Variants in JMY observed in about 807,000 individuals in gnomAD.
JMY encodes junction mediating and regulatory protein, p53 cofactor.
JMY carries 46 observed loss-of-function variants against 103.3 expected under a neutral mutation model. The observed-to-expected ratio is 0.45, with a 90% CI of 0.35 to 0.57. The LOEUF (loss-of-function observed/expected upper bound fraction) is 0.57, where lower values mean the gene tolerates loss of function less well. Among genes scored for constraint, JMY ranks in the 20% least tolerant of loss-of-function variants. The probability of loss-of-function intolerance (pLI) is 0.00; values close to 1 mark genes in which losing one functional copy is unlikely to be tolerated. For missense variants in JMY, 1,238 were observed against 1,255.2 expected, an observed-to-expected ratio of 0.99 and a Z score of 0.21; for synonymous variants, 526 against 489.3, an observed-to-expected ratio of 1.07 and a Z score of -0.99.
chr5:79,237,105 A>T lies in JMY; in HGVS notation c.455A>T (p.Gln152Leu), dbSNP rs557528920. 2.1e-5 allele frequency: 33 copies of T among 1,548,388 alleles called. No homozygotes were observed. In the African/African-American group the frequency reaches 4.4e-4, roughly 21 times the overall value. ...GTGCGGGCCAAACCCATCCCGGGTC[A>T]GAAAACATCTGAAGCCGACGATGCG... Reference protein sequence around the residue: ...SPVRAKPIPGQKTSEADDAAG... With the variant: ...SPVRAKPIPGLKTSEADDAAG... The change falls in exon 1 of 11, where the codon CAG becomes CTG. Residue 152 changes from glutamine (Q) to leucine (L), a missense_variant. Coordinates refer to ENST00000396137, the MANE Select transcript of JMY (RefSeq NM_152405.5).
chr5:79,276,214 G>T (rs1745931175), intron 1 of JMY, among the ~76,000 whole-genome samples: 1 of 152,172 alleles, frequency 6.6e-6, no homozygotes. Context: ...TGCCTACCCG[G>T]TTCAAGTGAT....
At chr5:79,318,360 A>G (rs1036326195) in intron 10 of JMY, among the ~76,000 whole-genome samples, 1 of 152,140 alleles carries the variant, frequency 6.6e-6, no homozygotes, top group African/African-American at 2.4e-5. Flanking sequence ...GCAAGTACAC[A>G]TCTAGATTTT....
intron 2 of JMY, chr5:79,284,014 T>C (rs1746195731): frequency 4.7e-6 from 3 of 639,580 alleles, no homozygotes; most frequent in Non-Finnish European, 7.5e-6. Flanking sequence ...ATTTTGAAGG[T>C]AAAGATATTA....
chr5:79,300,710 C>G lies in JMY; in HGVS notation c.1728C>G (p.Tyr576Ter), dbSNP rs767796449. Residue 576 changes from tyrosine to a stop codon, truncating the protein, a stop_gained, in exon 6 of 11, where the codon TAC (tyrosine) becomes TAG (stop). Coordinates refer to ENST00000396137, the MANE Select transcript of JMY (RefSeq NM_152405.5). LOFTEE classifies it high-confidence loss of function. ...ATGAAGTGGTATACTATGACACTTA[C>G]GAAAGCATGGAGGCCATGCTGGAGA... The part of the protein sequence containing the change: ...KRDEVVYYDT[Y>*]ESMEAMLEKE... 2.5e-6 allele frequency: 4 copies of G among 1,608,142 alleles called. No individual in the cohort carries two copies. The highest frequency in any genetic ancestry group is 3.4e-6 in the Non-Finnish European group (4 of 1,178,452).
At chr5:79,307,856 A>G (rs1349773769) in intron 7 of JMY, among the ~76,000 whole-genome samples, 3 of 151,998 alleles carry the variant, frequency 2.0e-5, no homozygotes, top group African/African-American at 7.3e-5. Flanking sequence ...CTCCTGTCTC[A>G]GCCTCCTGAG....
chr5:79,300,897 C>G (rs1210276424), intron 6 of JMY, 34 bp downstream of exon 6: 6 of 1,517,712 alleles, frequency 4.0e-6, no homozygotes, highest in African/African-American at 1.4e-5. Context: ...ATTATTTAGT[C>G]TTTTATCCGT....
intron 1 of JMY, among the ~76,000 whole-genome samples, chr5:79,241,726 TAG>T (rs1744749075): frequency 6.6e-6 from 1 of 152,238 alleles, no homozygotes; most frequent in African/African-American, 2.4e-5. Context: ...TTATACTTCT[TAG>T]GGGCTAAATC....
intron 1 of JMY, among the ~76,000 whole-genome samples, chr5:79,245,146 A>G (rs1328464051): frequency 2.6e-5 from 4 of 152,192 alleles, no homozygotes; most frequent in African/African-American, 7.2e-5. Flanking sequence ...TGGGTTAGAC[A>G]TTTCACAGAG....
In JMY at chr5:79,300,233, G is replaced by T; in HGVS notation, c.1608G>T (p.Gln536His). The change falls in exon 5 of 11, where the codon CAG (glutamine) becomes CAT (histidine). Residue 536 changes from glutamine to histidine, a missense_variant. Gln to His is a conservative substitution (Grantham distance 24, BLOSUM62 0). Coordinates refer to ENST00000396137, the MANE Select transcript of JMY (RefSeq NM_152405.5). ...CTGATTATTATGATCTGCAACTTCAGTTGTATGAAGTACAGTTTGAAATCT... is the reference window on the plus strand; with the variant it reads ...CTGATTATTATGATCTGCAACTTCATTTGTATGAAGTACAGTTTGAAATCT... ...LEADYYDLQLQLYEVQFEILK... is the reference protein window; with the variant it reads ...LEADYYDLQLHLYEVQFEILK... The T allele has an allele frequency of 6.2e-7, 1 of 1,605,776 alleles. No homozygotes were observed. Among genetic ancestry groups the T allele is most frequent in the Non-Finnish European group, 8.5e-7 (1 of 1,175,972 alleles).
chr5:79,300,314 A>G lies in JMY; in HGVS notation c.1689A>G (p.Ile563Met), dbSNP rs2112107039. 1 of 1,559,582 alleles carries G rather than the reference A, an allele frequency of 6.4e-7. No individual in the cohort carries two copies. The highest frequency in any genetic ancestry group is 8.6e-7 in the Non-Finnish European group (1 of 1,156,260). ...AACTAGAAAGCATCAAAAGACTTAT[A>G]TCAGGTATGGCGTGCATTTAACCAC... ...TAQLESIKRL[I>M]SEKRDEVVYY... Residue 563 changes from isoleucine to methionine, a missense_variant, in exon 5 of 11, where the codon ATA becomes ATG. By Grantham distance (10) the Ile-to-Met change is conservative. Transcript: ENST00000396137.
rs373550284 is a variant in JMY at position 79,237,688 on chromosome 5, T to C, written c.1032+6T>C. On this transcript the variant is annotated splice_donor_region_variant and intron_variant, in intron 1 of 10. Transcript: ENST00000396137. The stretch of plus-strand genomic sequence containing the variant: ...CCAGGAAGCGCATCCAGGAGGTGAG[T>C]GAGTGAGCTCCTAGTCTGGGCTCTA... 1 of 1,608,264 alleles carries C rather than the reference T, an allele frequency of 6.2e-7. No homozygotes were observed. Among genetic ancestry groups the C allele is most frequent in the African/African-American group, 1.3e-5 (1 of 74,718 alleles).
chr5:79,264,462 C>G (rs191551734), intron 1 of JMY, among the ~76,000 whole-genome samples: 187 of 151,732 alleles, frequency 1.2e-3, no homozygotes, highest in African/African-American at 3.9e-3. Flanking sequence ...CTCCTGAGCT[C>G]AAGTGATCCT....
intron 1 of JMY, among the ~76,000 whole-genome samples, chr5:79,270,058 T>C (rs1490060986): frequency 6.6e-6 from 1 of 151,972 alleles, no homozygotes; most frequent in African/African-American, 2.4e-5. Flanking sequence ...TGTGTGTACG[T>C]GAGTTCATTT....
chr5:79,289,522 T>C (rs59597967), intron 2 of JMY, among the ~76,000 whole-genome samples: 9,164 of 152,256 alleles, frequency 0.06, 534 homozygotes, highest in African/African-American at 0.15. Context: ...TAAAACATAC[T>C]TATGTAGTGT....
intron 2 of JMY, 49 bp downstream of exon 2, chr5:79,278,132 C>T: frequency 7.1e-7 from 1 of 1,412,496 alleles, no homozygotes; most frequent in Non-Finnish European, 9.7e-7. Context: ...TCATAGTTCT[C>T]AGCCTGAAAG....
At chr5:79,257,331 G>A (rs1449317547) in intron 1 of JMY, among the ~76,000 whole-genome samples, 1 of 152,124 alleles carries the variant, frequency 6.6e-6, no homozygotes, top group Non-Finnish European at 1.5e-5. Context: ...GGCTGGACAT[G>A]GTGGCTCATG....
chr5:79,265,131 A>G (rs976693201), intron 1 of JMY, among the ~76,000 whole-genome samples: 9 of 152,162 alleles, frequency 5.9e-5, no homozygotes, highest in Admixed American at 3.9e-4. Context: ...TCACCTTGTT[A>G]GCCAGGATGG....
chr5:79,239,400 G>A (rs1033928497), intron 1 of JMY, among the ~76,000 whole-genome samples: 5 of 152,122 alleles, frequency 3.3e-5, no homozygotes, highest in East Asian at 1.9e-4. Context: ...TGCAAGAACC[G>A]TTAGTGCTTC....
chr5:79,254,382 T>C (rs1580332471), intron 1 of JMY, among the ~76,000 whole-genome samples: 2 of 152,320 alleles, frequency 1.3e-5, no homozygotes, highest in South Asian at 4.1e-4. Flanking sequence ...AGGGAAAGTC[T>C]TTATTTTCTC....
Sources: allele counts gnomAD v4.1 joint callset (sites outside exome capture counted in the v4.1 genomes callset), GRCh38; gene constraint gnomAD v4.1.1; transcripts MANE v1.5; gene names NCBI Gene and HGNC (gene_info 2026-07-23, HGNC 2026-07-21).